Variants in LRRC25 observed in about 807,000 individuals in gnomAD.
LRRC25 encodes leucine rich repeat containing 25.
In LRRC25, 5 loss-of-function variants were observed where a neutral mutation model predicts 18.8. The observed-to-expected ratio is 0.27, with a 90% CI of 0.14 to 0.56. LRRC25 has a LOEUF of 0.56. Ranked by LOEUF, LRRC25 falls within the 20% of genes least tolerant of loss-of-function variation. The probability of loss-of-function intolerance (pLI) is 0.93; values close to 1 mark genes in which losing one functional copy is unlikely to be tolerated. For synonymous variants in LRRC25, 161 were observed against 176.8 expected (o/e 0.91, Z 0.71); for missense variants, 341 against 389.8 (o/e 0.87, Z 1.05).
At position 18,397,193 on chromosome 19, in the gene LRRC25, A is replaced by G; in HGVS notation, c.-230T>C. The G allele has an allele frequency of 1.7e-6, 1 of 583,398 alleles. No individual in the cohort carries two copies. The highest frequency in any genetic ancestry group is 3.0e-6 in the Non-Finnish European group (1 of 328,916). The allele number at this position is 583,398 out of a possible 1,614,324, so 36.1% of individuals were successfully genotyped here. ...CAGTGCTTAGCGGGCTTGGAAGGCG[A>G]GGAGGAGATCCGGGCCAGTTAACCC... is the stretch of plus-strand genomic sequence containing the variant. On this transcript the variant is annotated 5_prime_UTR_variant, in exon 1 of 2. Coordinates refer to ENST00000339007, the MANE Select transcript of LRRC25 (RefSeq NM_145256.3).
chr19:18,391,826 G>T lies in LRRC25; in HGVS notation c.*161C>A. ...TGAGGGAGCTGAGGAGCGGCATGAGGGACAGGGAGGGGGCGGCAGAGCTTC... is the reference window on the plus strand; with the variant it reads ...TGAGGGAGCTGAGGAGCGGCATGAGTGACAGGGAGGGGGCGGCAGAGCTTC... On this transcript the variant is annotated 3_prime_UTR_variant, in exon 2 of 2. Transcript: ENST00000339007. The T allele has an allele frequency of 1.3e-6, 1 of 777,064 alleles. No individual in the cohort carries two copies. The highest frequency in any genetic ancestry group is 2.0e-6 in the Non-Finnish European group (1 of 494,354). 48.1% of individuals were successfully genotyped at this position (777,064 alleles called of 1,614,324 possible).
chr19:18,394,015 C>T (rs1386708902), intron 1 of LRRC25, among the ~76,000 whole-genome samples: 1 of 152,186 alleles, frequency 6.6e-6, no homozygotes, highest in Non-Finnish European at 1.5e-5. Flanking sequence ...TTGACATCTG[C>T]TTTGCATATT....
In LRRC25 at chr19:18,396,330, T is replaced by G; in HGVS notation, c.634A>C (p.Lys212Gln). ...NKPWAAQDGP[K>Q]PGLGLQPRYG... ...CGTGGCTGCAAGCCTAAACCGGGCTTGGGCCCATCCTGAGCAGCCCAGGGT... is the reference window on the plus strand; with the variant it reads ...CGTGGCTGCAAGCCTAAACCGGGCTGGGGCCCATCCTGAGCAGCCCAGGGT... The change falls in exon 1 of 2, where the codon AAG (lysine) becomes CAG (glutamine). Residue 212 changes from lysine (K) to glutamine (Q), a missense_variant. By Grantham distance (53) the Lys-to-Gln change is moderately conservative. Coordinates refer to ENST00000339007, the MANE Select transcript of LRRC25 (RefSeq NM_145256.3). The G allele has an allele frequency of 6.2e-7, 1 of 1,613,960 alleles. No individual in the cohort carries two copies. The highest frequency in any genetic ancestry group is 8.5e-7 in the Non-Finnish European group (1 of 1,180,010).
intron 1 of LRRC25, among the ~76,000 whole-genome samples, chr19:18,392,864 C>T (rs1372630301): frequency 6.6e-6 from 1 of 151,972 alleles, no homozygotes; most frequent in Admixed American, 6.6e-5. Context: ...GTGACGTGTG[C>T]CTGGAGTCCC....
At position 18,396,760 on chromosome 19, in the gene LRRC25, C is replaced by A. The variant is rs758450169; in HGVS notation, c.204G>T (p.Leu68=). 9.3e-6 allele frequency: 15 copies of A among 1,614,036 alleles called. No individual in the cohort carries two copies. In the Admixed American group the frequency reaches 2.5e-4, roughly 27 times the overall value. ...LRASNVILLD[L]SGNGLRELPV... ...GAAGCTCTCGCAGGCCGTTCCCAGA[C>A]AGGTCAAGGAGAATCACGTTGCTGG... Residue 68 remains leucine, a synonymous_variant, in exon 1 of 2, where the codon CTG becomes CTT. Transcript: ENST00000339007.
intron 1 of LRRC25, among the ~76,000 whole-genome samples, chr19:18,395,715 C>A (rs73523018): frequency 0.021 from 3,211 of 152,136 alleles, 109 homozygotes; most frequent in African/African-American, 0.073. Flanking sequence ...CCTCATTTTA[C>A]TTTATTTTAT....
intron 1 of LRRC25, among the ~76,000 whole-genome samples, chr19:18,394,908 G>A (rs576081355): frequency 1.1e-4 from 16 of 152,096 alleles, no homozygotes; most frequent in South Asian, 4.2e-4. Context: ...CAAGACCCCC[G>A]TCTCTATGAA....
In LRRC25 at chr19:18,396,344, G is replaced by A. The variant is rs1388951863; in HGVS notation, c.620C>T (p.Ala207Val). Residue 207 changes from alanine (A) to valine (V), a missense_variant, in exon 1 of 2, where the codon GCT (alanine) becomes GTT (valine). Transcript: ENST00000339007. ...TAAACCGGGCTTGGGCCCATCCTGA[G>A]CAGCCCAGGGTTTGTTCAGCTCCCG... is the stretch of plus-strand genomic sequence containing the variant. ...RSRELNKPWA[A>V]QDGPKPGLGL... 6.2e-7 allele frequency: 1 copy of A among 1,613,868 alleles called. No individual in the cohort carries two copies. Among genetic ancestry groups the A allele is most frequent in the African/African-American group, 1.3e-5 (1 of 75,064 alleles).
rs891735782 is a variant in LRRC25, at chr19:18,397,355, A to G, written c.-392T>C. On this transcript the variant is annotated 5_prime_UTR_variant, in exon 1 of 2. Coordinates refer to ENST00000339007, the MANE Select transcript of LRRC25 (RefSeq NM_145256.3). Reference sequence around the variant, plus strand: ...CTCCCAGAACGGCGGGTCGCTGGGAAGTCCTGGGATAGGGTGGAGTGGGGG... The same window carrying G: ...CTCCCAGAACGGCGGGTCGCTGGGAGGTCCTGGGATAGGGTGGAGTGGGGG... The G allele has an allele frequency of 4.0e-5, 10 of 252,046 alleles. No individual in the cohort carries two copies. The highest frequency in any genetic ancestry group is 6.6e-5 in the African/African-American group (3 of 45,776). 15.6% of individuals were successfully genotyped at this position (252,046 alleles called of 1,614,324 possible). A position where few individuals can be genotyped will look rare whatever the true frequency, so the allele number is the denominator to read the frequency against.
At position 18,391,834 on chromosome 19, in the gene LRRC25, AG is replaced by A; in HGVS notation, c.*152del. The A allele has an allele frequency of 1.2e-6, 1 of 832,982 alleles. No homozygotes were observed. The highest frequency in any genetic ancestry group is 1.7e-5 in the African/African-American group (1 of 58,226). 51.6% of individuals were successfully genotyped at this position (832,982 alleles called of 1,614,324 possible). ...CTGAGGAGCGGCATGAGGGACAGGGAGGGGGCGGCAGAGCTTCCTGGGGCCT... is the reference window on the plus strand; with the variant it reads ...CTGAGGAGCGGCATGAGGGACAGGGAGGGGCGGCAGAGCTTCCTGGGGCCT... On this transcript the variant is annotated 3_prime_UTR_variant, in exon 2 of 2. Coordinates refer to ENST00000339007, the MANE Select transcript of LRRC25 (RefSeq NM_145256.3).
chr19:18,392,215 A>G (rs1600254045), intron 1 of LRRC25, 90 bp from the exon 2 acceptor site: 1 of 1,380,460 alleles, frequency 7.2e-7, no homozygotes, highest in South Asian at 1.2e-5. Flanking sequence ...AGAGTGGGCC[A>G]GGTGCTCTGA....
At chr19:18,393,348 T>G (rs930498190) in intron 1 of LRRC25, among the ~76,000 whole-genome samples, 2 of 152,130 alleles carry the variant, frequency 1.3e-5, no homozygotes, top group African/African-American at 4.8e-5. Flanking sequence ...CTGGGCCAGG[T>G]GCGGTGGCTC....
chr19:18,394,441 G>A (rs2144622070), intron 1 of LRRC25, among the ~76,000 whole-genome samples: 1 of 151,946 alleles, frequency 6.6e-6, no homozygotes, highest in Non-Finnish European at 1.5e-5. Context: ...CAAGTAGCTG[G>A]GATTACAGGC....
rs1971900558 is a variant in LRRC25 at position 18,391,659 on chromosome 19, C to T, written c.*328G>A. The T allele has an allele frequency of 1.4e-5, 3 of 220,534 alleles. No homozygotes were observed. The highest frequency in any genetic ancestry group is 4.8e-5 in the Admixed American group (1 of 20,922). 13.7% of individuals were successfully genotyped at this position (220,534 alleles called of 1,614,324 possible). ...AGAAATCCCCACCTTGAGGAACCCA[C>T]GCACCCTGAGCCAGCAGCCTCATCA... is the stretch of plus-strand genomic sequence containing the variant. On this transcript the variant is annotated 3_prime_UTR_variant, in exon 2 of 2. Coordinates refer to ENST00000339007, the MANE Select transcript of LRRC25 (RefSeq NM_145256.3).
Position 18,396,383 on chromosome 19 carries a change from C to T in LRRC25, c.581G>A (p.Arg194Gln), listed in dbSNP as rs373989836. 2.2e-5 allele frequency: 35 copies of T among 1,613,470 alleles called. No individual in the cohort carries two copies. The highest frequency in any genetic ancestry group is 2.6e-5 in the Non-Finnish European group (31 of 1,179,994). The change falls in exon 1 of 2, where the codon CGA (arginine) becomes CAA (glutamine). Residue 194 changes from arginine (R) to glutamine (Q), a missense_variant. Arg to Gln is a conservative substitution (Grantham distance 43). Transcript: ENST00000339007. ...GTTCAGCTCCCGGCTTCTGGCCACTCGGCATCGCCAGAGTCTCCAGGCCAG... is the reference window on the plus strand; with the variant it reads ...GTTCAGCTCCCGGCTTCTGGCCACTTGGCATCGCCAGAGTCTCCAGGCCAG... ...PVLAWRLWRC[R>Q]VARSRELNKP...
At chr19:18,392,497 G>C (rs555281226) in intron 1 of LRRC25, among the ~76,000 whole-genome samples, 61 of 143,272 alleles carry the variant, frequency 4.3e-4, no homozygotes, top group Non-Finnish European at 4.9e-4. Context: ...ATCTCAGAAG[G>C]AAAAAAAAAA....
rs944727981 is a variant in LRRC25, at chr19:18,397,171, T to G, written c.-208A>C. On this transcript the variant is annotated 5_prime_UTR_variant, in exon 1 of 2. Coordinates refer to ENST00000339007, the MANE Select transcript of LRRC25 (RefSeq NM_145256.3). ...CTGGGGAATGGGTAGATAACCCCAG[T>G]GCTTAGCGGGCTTGGAAGGCGAGGA... 11 of 603,632 alleles carry G rather than the reference T, an allele frequency of 1.8e-5. No homozygotes were observed. The highest frequency in any genetic ancestry group is 3.2e-5 in the Non-Finnish European group (11 of 343,986). 37.4% of individuals were successfully genotyped at this position (603,632 alleles called of 1,614,324 possible).
At position 18,392,118 on chromosome 19, in the gene LRRC25, G is replaced by C; in HGVS notation, c.787C>G (p.Pro263Ala). 6.2e-7 allele frequency: 1 copy of C among 1,613,910 alleles called. No individual in the cohort carries two copies. The highest frequency in any genetic ancestry group is 8.5e-7 in the Non-Finnish European group (1 of 1,179,864). ...EHQWDEQGAH[P>A]SEDNDFYINY... ...ATGTAAAAGTCATTGTCCTCTGAAG[G>C]GTGAGCCCTGGGGGGACAGACAGAC... The change falls in exon 2 of 2, where the codon CCT becomes GCT. Residue 263 changes from proline to alanine, a missense_variant. Pro to Ala is a conservative substitution (Grantham distance 27). Transcript: ENST00000339007.
At chr19:18,394,163 C>T (rs1157820921) in intron 1 of LRRC25, among the ~76,000 whole-genome samples, 1 of 152,108 alleles carries the variant, frequency 6.6e-6, no homozygotes, top group Non-Finnish European at 1.5e-5. Context: ...TTCAAGTCAT[C>T]CCTTCTCAAA....
Sources: gnomAD v4.1 joint callset for allele counts (sites outside exome capture counted in the v4.1 genomes callset) on GRCh38, gnomAD v4.1.1 for gene constraint, MANE v1.5 for transcripts, NCBI Gene and HGNC (gene_info 2026-07-23, HGNC 2026-07-21) for gene names.